The following STPG2 variants were observed in gnomAD, a reference collection of about 807,000 sequenced individuals.
STPG2 encodes sperm tail PG-rich repeat containing 2.
Under a neutral mutation model 54.2 loss-of-function variants are expected in STPG2, and 56 were observed. The ratio of observed to expected loss-of-function variants is 1.03; its 90% CI spans 0.83 to 1.29. The LOEUF (loss-of-function observed/expected upper bound fraction) is 1.29, where lower values mean the gene tolerates loss of function less well. STPG2 is among the 50% of genes most tolerant of loss of function. STPG2 has a pLI of 0.00. For synonymous variants in STPG2, 200 were observed against 181.8 expected (o/e 1.10, Z -0.81); for missense variants, 596 against 544.9 (o/e 1.09, Z -0.93).
At chr4:97,661,664 C>T (rs949525000) in intron 10 of STPG2, among the ~76,000 whole-genome samples, 4 of 151,736 alleles carry the variant, frequency 2.6e-5, no homozygotes, top group Non-Finnish European at 5.9e-5. Context: ...AAGGGGAATG[C>T]TCTCCATAAT....
intron 10 of STPG2, among the ~76,000 whole-genome samples, chr4:97,661,398 T>C (rs1302824173): frequency 1.3e-5 from 2 of 152,188 alleles, no homozygotes; most frequent in East Asian, 1.9e-4. Context: ...TTAGGATTAA[T>C]AGTTGTGTCC....
chr4:98,032,760 A>T (rs1054451031), intron 5 of STPG2, among the ~76,000 whole-genome samples: 3 of 152,232 alleles, frequency 2.0e-5, no homozygotes, highest in African/African-American at 7.2e-5. Context: ...ACCACGGTGC[A>T]ATCAAATTAG....
chr4:97,818,250 G>A (rs529232149), intron 9 of STPG2, among the ~76,000 whole-genome samples: 1 of 151,674 alleles, frequency 6.6e-6, no homozygotes, highest in Admixed American at 6.6e-5. Flanking sequence ...TTATCCACGG[G>A]GACACGTTCC....
At chr4:97,626,644 C>A (rs191847353) in intron 10 of STPG2, among the ~76,000 whole-genome samples, 82 of 152,120 alleles carry the variant, frequency 5.4e-4, no homozygotes, top group African/African-American at 1.9e-3. Context: ...ATATTTTAAC[C>A]AAATATATTG....
At chr4:97,564,206 T>C (rs1485504968) in intron 10 of STPG2, among the ~76,000 whole-genome samples, 2 of 152,174 alleles carry the variant, frequency 1.3e-5, no homozygotes, top group Admixed American at 6.5e-5. Context: ...TTTGTCTCTT[T>C]TGATCTTTGT....
At chr4:97,892,297 G>A (rs1042321907) in intron 8 of STPG2, among the ~76,000 whole-genome samples, 2 of 152,040 alleles carry the variant, frequency 1.3e-5, no homozygotes, top group Non-Finnish European at 2.9e-5. Flanking sequence ...AGTCCATACT[G>A]ACTTGTCCCC....
chr4:97,739,950 T>G (rs1425986833), intron 9 of STPG2, among the ~76,000 whole-genome samples: 3 of 151,988 alleles, frequency 2.0e-5, no homozygotes, highest in African/African-American at 4.8e-5. Flanking sequence ...TGAACATTGA[T>G]GCAAAAATCC....
chr4:97,486,478 T>C (rs762180111), intron 4 of STPG2, among the ~76,000 whole-genome samples: 2 of 151,602 alleles, frequency 1.3e-5, no homozygotes, highest in Non-Finnish European at 3.0e-5. Context: ...TACCACCTAC[T>C]CCTGCAAGAA....
intron 10 of STPG2, among the ~76,000 whole-genome samples, chr4:97,581,363 C>T (rs1732859759): frequency 6.6e-6 from 1 of 152,020 alleles, no homozygotes; most frequent in Non-Finnish European, 1.5e-5. Flanking sequence ...CTGCTTTTAC[C>T]CATTAGCCAA....
chr4:97,448,174 G>A (rs552208554), intron 4 of STPG2, among the ~76,000 whole-genome samples: 24 of 152,238 alleles, frequency 1.6e-4, no homozygotes, highest in African/African-American at 5.3e-4. Context: ...TCCCCATATT[G>A]TATCTTGGAA....
At chr4:97,741,846 A>C (rs371289433) in intron 9 of STPG2, among the ~76,000 whole-genome samples, 14 of 152,022 alleles carry the variant, frequency 9.2e-5, no homozygotes, top group African/African-American at 2.2e-4. Context: ...CCATTTGACC[A>C]AGCCATCCCA....
At chr4:97,634,190 C>A (rs537355659) in intron 10 of STPG2, among the ~76,000 whole-genome samples, 3 of 152,140 alleles carry the variant, frequency 2.0e-5, no homozygotes, top group Non-Finnish European at 4.4e-5. Context: ...GACCCCTGAC[C>A]CCCGAGCACC....
chr4:97,798,792 C>T (rs1336145756), intron 9 of STPG2, among the ~76,000 whole-genome samples: 2 of 63,686 alleles, frequency 3.1e-5, no homozygotes, highest in Non-Finnish European at 3.1e-5. Context: ...GTGTTAAAGT[C>T]TTCCATTATT....
At chr4:97,574,770 G>A (rs767857901) in intron 10 of STPG2, among the ~76,000 whole-genome samples, 5 of 151,872 alleles carry the variant, frequency 3.3e-5, no homozygotes, top group African/African-American at 4.8e-5. Flanking sequence ...ACTTTCTTTC[G>A]GGTTAAATGA....
chr4:97,497,205 T>C (rs1483114284), intron 4 of STPG2, among the ~76,000 whole-genome samples: 1 of 151,804 alleles, frequency 6.6e-6, no homozygotes, highest in Non-Finnish European at 1.5e-5. Context: ...TAACGACTAC[T>C]TGCCATCTCA....
chr4:97,815,406 C>A (rs1156736083), intron 9 of STPG2, among the ~76,000 whole-genome samples: 2 of 152,250 alleles, frequency 1.3e-5, no homozygotes, highest in Non-Finnish European at 2.9e-5. Flanking sequence ...ATCTGAAATT[C>A]TCTAATGAGC....
chr4:97,450,744 G>A (rs1487008727), intron 4 of STPG2, among the ~76,000 whole-genome samples: 1 of 152,068 alleles, frequency 6.6e-6, no homozygotes, highest in South Asian at 2.1e-4. Context: ...TAAGGATTTT[G>A]GTGATGACAA....
intron 1 of STPG2, among the ~76,000 whole-genome samples, chr4:98,135,436 C>A (rs554698771): frequency 6.6e-6 from 1 of 151,748 alleles, no homozygotes; most frequent in East Asian, 1.9e-4. Context: ...ATAGATCTTA[C>A]CTCTAAAAAA....
chr4:97,502,219 GA>G (rs1489817059), intron 4 of STPG2, among the ~76,000 whole-genome samples: 4 of 151,748 alleles, frequency 2.6e-5, no homozygotes, highest in African/African-American at 9.7e-5. Context: ...TATATATCAG[GA>G]AAAAACTTTA....
Sources: gnomAD v4.1 joint callset for allele counts (sites outside exome capture counted in the v4.1 genomes callset) on GRCh38, gnomAD v4.1.1 for gene constraint, MANE v1.5 for transcripts, NCBI Gene and HGNC (gene_info 2026-07-23, HGNC 2026-07-21) for gene names.